The following MACROD2 variants were observed in gnomAD, a reference collection of about 807,000 sequenced individuals.
MACROD2 encodes mono-ADP ribosylhydrolase 2, also known as ADP-ribose glycohydrolase MACROD2.
Under a neutral mutation model 70.4 loss-of-function variants are expected in MACROD2, and 36 were observed. The observed-to-expected ratio is 0.51, with a 90% CI of 0.39 to 0.68. MACROD2 has a LOEUF of 0.68. Ranked by LOEUF, MACROD2 falls within the 30% of genes least tolerant of loss-of-function variation. MACROD2 has a pLI of 0.00. For missense variants in MACROD2, 496 were observed against 538.4 expected (o/e 0.92, Z 0.78); for synonymous variants, 172 against 178.8 (o/e 0.96, Z 0.30).
chr20:15,941,297 G>A (rs2065747989), intron 12 of MACROD2, among the ~76,000 whole-genome samples: 1 of 152,066 alleles, frequency 6.6e-6, no homozygotes, highest in Admixed American at 6.6e-5. Context: ...GAAATGTTTT[G>A]AAATCCACAC....
chr20:14,139,700 A>AAG, intron 3 of MACROD2, among the ~76,000 whole-genome samples: 1 of 152,346 alleles, frequency 6.6e-6, no homozygotes, highest in Non-Finnish European at 1.5e-5. Flanking sequence ...TAGTAAACAG[A>AAG]ATATTTTGTA....
intron 6 of MACROD2, among the ~76,000 whole-genome samples, chr20:15,266,752 T>A (rs1273606775): frequency 1.3e-5 from 2 of 152,206 alleles, no homozygotes; most frequent in African/African-American, 4.8e-5. Context: ...GAATTGTATG[T>A]CTCTTGGTTA....
intron 6 of MACROD2, among the ~76,000 whole-genome samples, chr20:15,245,116 A>G (rs1005995478): frequency 6.6e-6 from 1 of 152,234 alleles, no homozygotes; most frequent in Admixed American, 6.5e-5. Flanking sequence ...TTTGAAATGG[A>G]TAATTCCATA....
At chr20:14,430,300 T>A (rs561289816) in intron 3 of MACROD2, among the ~76,000 whole-genome samples, 1 of 152,084 alleles carries the variant, frequency 6.6e-6, no homozygotes, top group African/African-American at 2.4e-5. Context: ...TGCTTCCACA[T>A]AGTGACTTGA....
At chr20:14,515,100 G>A (rs943232731) in intron 4 of MACROD2, among the ~76,000 whole-genome samples, 1 of 151,994 alleles carries the variant, frequency 6.6e-6, no homozygotes, top group Non-Finnish European at 1.5e-5. Context: ...AAGTATTCTG[G>A]AACTTAAACT....
chr20:15,648,060 T>A (rs929361382), intron 8 of MACROD2, among the ~76,000 whole-genome samples: 1 of 152,096 alleles, frequency 6.6e-6, no homozygotes, highest in Non-Finnish European at 1.5e-5. Context: ...TTTCTTGGCG[T>A]ATGCATGTGT....
At chr20:15,767,240 T>C (rs1374513330) in intron 8 of MACROD2, among the ~76,000 whole-genome samples, 1 of 152,240 alleles carries the variant, frequency 6.6e-6, no homozygotes. Flanking sequence ...AGATCATCTT[T>C]TGAGATGAAT....
intron 3 of MACROD2, among the ~76,000 whole-genome samples, chr20:14,303,732 A>C (rs564252184): frequency 1.3e-5 from 2 of 152,220 alleles, no homozygotes; most frequent in East Asian, 3.9e-4. Context: ...TTAGTGAATC[A>C]AGCCTCCCTG....
At chr20:16,034,099 C>T (rs780954792) in intron 15 of MACROD2, among the ~76,000 whole-genome samples, 26 of 151,976 alleles carry the variant, frequency 1.7e-4, no homozygotes, top group Admixed American at 8.5e-4. Context: ...AATATGAAAC[C>T]TGGACATTAC....
Position 14,327,392 on chromosome 20 carries a change from C to T in MACROD2, c.272-166087C>T, listed in dbSNP as rs759948388. ...CGATCATTACAGTAAATGAAACCCG[C>T]ATCGCAGCGACACACAGATGGACAG... On this transcript the variant is annotated intron_variant, in intron 3 of 17. Coordinates refer to ENST00000684519, the MANE Select transcript of MACROD2 (RefSeq NM_001351661.2). 15 of 1,613,704 alleles carry T rather than the reference C, an allele frequency of 9.3e-6. No individual in the cohort carries two copies. The South Asian group carries it at 1.3e-4, about 14-fold the overall frequency.
chr20:15,165,073 T>C (rs1008779966), intron 5 of MACROD2, among the ~76,000 whole-genome samples: 15 of 152,106 alleles, frequency 9.9e-5, no homozygotes, highest in African/African-American at 3.1e-4. Context: ...TCTGCTGAGA[T>C]TGATCAACAA....
chr20:15,448,344 A>G (rs1025908020), intron 7 of MACROD2, among the ~76,000 whole-genome samples: 3 of 152,102 alleles, frequency 2.0e-5, no homozygotes, highest in African/African-American at 7.2e-5. Flanking sequence ...ATGGTGGTTA[A>G]CAAGCAAGGC....
At chr20:15,988,982 G>C (rs1308595518) in intron 15 of MACROD2, among the ~76,000 whole-genome samples, 1 of 152,126 alleles carries the variant, frequency 6.6e-6, no homozygotes, top group African/African-American at 2.4e-5. Context: ...CCATTGACAA[G>C]CTGGGTGACT....
chr20:15,772,311 C>T (rs2051649477), intron 8 of MACROD2, among the ~76,000 whole-genome samples: 1 of 151,500 alleles, frequency 6.6e-6, no homozygotes, highest in Admixed American at 6.6e-5. Flanking sequence ...CAAGTACATA[C>T]ATTGACTTAA....
intron 8 of MACROD2, among the ~76,000 whole-genome samples, chr20:15,766,995 A>G (rs1376512417): frequency 6.6e-6 from 1 of 152,214 alleles, no homozygotes; most frequent in Admixed American, 6.5e-5. Context: ...CCCACTGACC[A>G]AAGCCAATTA....
intron 4 of MACROD2, among the ~76,000 whole-genome samples, chr20:14,523,845 G>A (rs1482151516): frequency 6.6e-6 from 1 of 152,148 alleles, no homozygotes; most frequent in Non-Finnish European, 1.5e-5. Context: ...ATATGAGTTT[G>A]CCTATTCATA....
chr20:15,715,872 T>G (rs2146925628), intron 8 of MACROD2, among the ~76,000 whole-genome samples: 1 of 152,248 alleles, frequency 6.6e-6, no homozygotes, highest in African/African-American at 2.4e-5. Flanking sequence ...TCACCCTCAT[T>G]TTACAGATAA....
chr20:15,467,997 A>G (rs1273303441), intron 7 of MACROD2, among the ~76,000 whole-genome samples: 1 of 152,220 alleles, frequency 6.6e-6, no homozygotes, highest in Non-Finnish European at 1.5e-5. Context: ...TTAGGTGGCT[A>G]TATGTCAGAA....
At chr20:14,720,569 T>TTTTTCTTTTTTTTTTTTTTTTG (rs531072431) in intron 5 of MACROD2, among the ~76,000 whole-genome samples, 1 of 84,094 alleles carries the variant, frequency 1.2e-5, no homozygotes, top group Non-Finnish European at 2.4e-5. Context: ...TTTTTTTTTT[T>TTTTTCTTTTTTTTTTTTTTTTG]TGTGAGGCAG....
Sources: gnomAD v4.1 joint callset for allele counts (sites outside exome capture counted in the v4.1 genomes callset) on GRCh38, gnomAD v4.1.1 for gene constraint, MANE v1.5 for transcripts, NCBI Gene and HGNC (gene_info 2026-07-23, HGNC 2026-07-21) for gene names.